The following GNG12 variants were observed in gnomAD, a reference collection of about 807,000 sequenced individuals.
The protein encoded by GNG12 is guanine nucleotide-binding protein G(I)/G(S)/G(O) subunit gamma-12.
For missense variants in GNG12, 69 were observed against 83.8 expected, an observed-to-expected ratio of 0.82 and a Z score of 0.69; for synonymous variants, 28 against 29.7, an observed-to-expected ratio of 0.94 and a Z score of 0.19.
intron 2 of GNG12, among the ~76,000 whole-genome samples, chr1:67,715,820 T>C (rs894919092): frequency 6.6e-6 from 1 of 152,256 alleles, no homozygotes; most frequent in Admixed American, 6.5e-5. Context: ...TTCACAATTG[T>C]TAAATCTGTT....
intron 2 of GNG12, among the ~76,000 whole-genome samples, chr1:67,734,297 G>A (rs1646439058): frequency 6.6e-6 from 1 of 152,018 alleles, no homozygotes; most frequent in Non-Finnish European, 1.5e-5. Flanking sequence ...GTGAGGGCAT[G>A]CTTCTTCTTT....
chr1:67,719,934 T>G (rs981684628), intron 2 of GNG12, among the ~76,000 whole-genome samples: 1 of 152,228 alleles, frequency 6.6e-6, no homozygotes, highest in Admixed American at 6.5e-5. Flanking sequence ...GATTAAGACA[T>G]GCGATGTAGC....
At chr1:67,806,507 T>C (rs192704596) in intron 1 of GNG12, among the ~76,000 whole-genome samples, 1 of 151,248 alleles carries the variant, frequency 6.6e-6, no homozygotes, top group East Asian at 1.9e-4. Context: ...GACTTAAGTA[T>C]GTACAGATTT....
chr1:67,787,036 A>T (rs1003075708), intron 1 of GNG12, among the ~76,000 whole-genome samples: 1,056 of 131,106 alleles, frequency 8.1e-3, no homozygotes, highest in Non-Finnish European at 9.7e-3. Context: ...TATGTGTATA[A>T]GTGTGTGTGT....
chr1:67,783,851 C>A (rs1646751928), intron 1 of GNG12, among the ~76,000 whole-genome samples: 2 of 151,012 alleles, frequency 1.3e-5, no homozygotes, highest in African/African-American at 4.9e-5. Context: ...AACAGGAACA[C>A]TTTTACACTG....
At chr1:67,744,497 A>G (rs754373545) in intron 2 of GNG12, among the ~76,000 whole-genome samples, 2 of 152,168 alleles carry the variant, frequency 1.3e-5, no homozygotes, top group African/African-American at 2.4e-5. Flanking sequence ...TTTCAGATAT[A>G]CGAAGAACAT....
intron 2 of GNG12, among the ~76,000 whole-genome samples, chr1:67,774,065 G>T (rs1026628890): frequency 1.3e-5 from 2 of 152,150 alleles, no homozygotes; most frequent in Admixed American, 1.3e-4. Context: ...CGGCCACTCT[G>T]TGTGGCATTA....
chr1:67,734,426 C>T (rs556449047), intron 2 of GNG12, among the ~76,000 whole-genome samples: 7 of 152,200 alleles, frequency 4.6e-5, no homozygotes, highest in Non-Finnish European at 1.0e-4. Context: ...ATGTGCACAA[C>T]GGTGTTCCAG....
At chr1:67,756,138 C>T (rs376959230) in intron 2 of GNG12, among the ~76,000 whole-genome samples, 1 of 152,050 alleles carries the variant, frequency 6.6e-6, no homozygotes, top group Non-Finnish European at 1.5e-5. Context: ...CAAAAGAGTG[C>T]AGTAAATGTT....
chr1:67,706,419 A>G (rs1390362371), intron 3 of GNG12, among the ~76,000 whole-genome samples: 1 of 152,178 alleles, frequency 6.6e-6, no homozygotes, highest in Non-Finnish European at 1.5e-5. Flanking sequence ...CCAGCATGGG[A>G]AGAGGCAGTA....
chr1:67,761,964 C>T (rs899204852), intron 2 of GNG12, among the ~76,000 whole-genome samples: 1 of 152,186 alleles, frequency 6.6e-6, no homozygotes, highest in Non-Finnish European at 1.5e-5. Flanking sequence ...AAAGCAGACC[C>T]AGTGGGACCT....
chr1:67,793,979 C>T (rs534230987), intron 1 of GNG12, among the ~76,000 whole-genome samples: 11 of 152,240 alleles, frequency 7.2e-5, no homozygotes, highest in Non-Finnish European at 1.5e-4. Flanking sequence ...CCATCCAAAA[C>T]GGAGGAGGGG....
chr1:67,705,412 C>T lies in GNG12; in HGVS notation c.*39G>A, dbSNP rs373833781. ...TCTTCAAGGAGCTGCTCATAATTTG[C>T]GTTGTTGGGAAGAGGCGAGGAGCTG... On this transcript the variant is annotated 3_prime_UTR_variant, in exon 4 of 4. Transcript: ENST00000370982. 2.5e-5 allele frequency: 40 copies of T among 1,604,076 alleles called. No individual in the cohort carries two copies. Among genetic ancestry groups the T allele is most frequent in the African/African-American group, 2.3e-4 (17 of 74,328 alleles).
At chr1:67,779,794 A>C (rs1176339844) in intron 1 of GNG12, among the ~76,000 whole-genome samples, 1 of 152,198 alleles carries the variant, frequency 6.6e-6, no homozygotes, top group Non-Finnish European at 1.5e-5. Flanking sequence ...TCATCGTGTG[A>C]ATATCGTAGG....
intron 1 of GNG12, among the ~76,000 whole-genome samples, chr1:67,820,367 G>A (rs1318215091): frequency 6.7e-6 from 1 of 148,962 alleles, no homozygotes; most frequent in Non-Finnish European, 1.5e-5. Context: ...GGATGACAGA[G>A]TGAGACTCCA....
intron 2 of GNG12, among the ~76,000 whole-genome samples, chr1:67,711,338 T>C (rs115181165): frequency 1.2e-3 from 177 of 152,026 alleles, no homozygotes; most frequent in African/African-American, 4.2e-3. Flanking sequence ...CTGTATTTAA[T>C]TATGTATGTA....
In GNG12 at chr1:67,797,451, G is replaced by A. The variant is rs181477198; in HGVS notation, c.-76-19944C>T. ...GAAGCAAGAAGTCCCATGGCTTGTT[G>A]AACACTGAGATTCAAAGTCAGGCAG... On this transcript the variant is annotated intron_variant, in intron 1 of 3. Transcript: ENST00000370982. 6.6e-5 allele frequency among the ~76,000 whole-genome samples: 10 copies of A among 152,212 alleles called. No homozygotes were observed. The East Asian group carries it at 1.2e-3, about 18-fold the overall frequency.
At chr1:67,757,925 C>T (rs755877779) in intron 2 of GNG12, among the ~76,000 whole-genome samples, 1 of 152,198 alleles carries the variant, frequency 6.6e-6, no homozygotes, top group Non-Finnish European at 1.5e-5. Context: ...AGTCTCTGTG[C>T]TCAGAATCGC....
intron 3 of GNG12, among the ~76,000 whole-genome samples, chr1:67,706,430 C>T (rs986119629): frequency 6.6e-6 from 1 of 152,130 alleles, no homozygotes; most frequent in African/African-American, 2.4e-5. Context: ...AGAGGCAGTA[C>T]CTTACTCCCG....
Sources: allele counts gnomAD v4.1 joint callset (sites outside exome capture counted in the v4.1 genomes callset), GRCh38; gene constraint gnomAD v4.1.1; transcripts MANE v1.5; gene names NCBI Gene and HGNC (gene_info 2026-07-23, HGNC 2026-07-21).